Variants in ZNF362 observed in about 807,000 individuals in gnomAD.
ZNF362 encodes rotund homolog.
Under a neutral mutation model 42.9 loss-of-function variants are expected in ZNF362, and 11 were observed. The observed-to-expected ratio is 0.26, with a 90% CI of 0.16 to 0.42. ZNF362 has a LOEUF of 0.42. ZNF362 is among the 20% of genes least tolerant of loss of function. ZNF362 has a pLI of 1.00. For synonymous variants in ZNF362, 255 were observed against 257.3 expected (o/e 0.99, Z 0.09); for missense variants, 362 against 576.2 (o/e 0.63, Z 3.81).
At chr1:33,248,773 A>G in the ZNF362 span, among the ~76,000 whole-genome samples, 1 of 152,108 alleles carries the variant, frequency 6.6e-6, no homozygotes, top group Non-Finnish European at 1.5e-5. Flanking sequence ...ATTGAAGGAG[A>G]TGGGTTGTAT....
At chr1:33,250,845 GAAAGAAGGAA>G in the ZNF362 span, among the ~76,000 whole-genome samples, 14 of 104,746 alleles carry the variant, frequency 1.3e-4, no homozygotes, top group Admixed American at 2.3e-4. Context: ...GAAGAAAGAA[GAAAGAAGGAA>G]GAAGAAGAAG....
the ZNF362 span, among the ~76,000 whole-genome samples, chr1:33,189,007 A>G: frequency 6.6e-6 from 1 of 152,152 alleles, no homozygotes; most frequent in Non-Finnish European, 1.5e-5. Context: ...CAATCAGCTG[A>G]ACTGTTCACT....
At chr1:33,201,707 A>AT in the ZNF362 span, among the ~76,000 whole-genome samples, 1 of 152,210 alleles carries the variant, frequency 6.6e-6, no homozygotes, top group South Asian at 2.1e-4. Flanking sequence ...TCACCTTAAG[A>AT]AACAACAAAA....
chr1:33,281,442 T>G lies in ZNF362; in HGVS notation c.684-145T>G, dbSNP rs773438441. On this transcript the variant is annotated intron_variant, in intron 5 of 8. Coordinates refer to ENST00000539719, the MANE Select transcript of ZNF362 (RefSeq NM_152493.3). This position sits in a 1 kb window ranked among gnomAD's most constrained non-coding sequence, Gnocchi z 4.8. The stretch of plus-strand genomic sequence containing the variant: ...GTGCCCAGGCTGGGAGACTGTCCCC[T>G]GTCTTTCCCAGGTGGTCCTGTGCTT... The G allele has an allele frequency of 1.1e-4, 82 of 737,028 alleles. No homozygotes were observed. Among genetic ancestry groups the G allele is most frequent in the Non-Finnish European group, 1.7e-4 (74 of 440,302 alleles). The allele number at this position is 737,028 out of a possible 1,614,324, so 45.7% of individuals were successfully genotyped here. A position where few individuals can be genotyped will look rare whatever the true frequency, so the allele number is the denominator to read the frequency against.
the ZNF362 span, among the ~76,000 whole-genome samples, chr1:33,220,166 G>A: frequency 1.8e-4 from 27 of 152,270 alleles, 1 homozygote; most frequent in African/African-American, 6.0e-4. Context: ...GGCAGGGAAG[G>A]GGTTGTAAGG....
chr1:33,147,236 G>A, the ZNF362 span: 1 of 1,614,062 alleles, frequency 6.2e-7, no homozygotes, highest in Non-Finnish European at 8.5e-7. This position sits in a 1 kb window ranked among gnomAD's most constrained non-coding sequence, Gnocchi z 8.1. Context: ...GCGTGGCTCT[G>A]GCCAGGGCTG....
intron 6 of ZNF362, among the ~76,000 whole-genome samples, chr1:33,283,604 G>A (rs894947096): frequency 1.3e-5 from 2 of 152,168 alleles, no homozygotes; most frequent in Non-Finnish European, 2.9e-5. Flanking sequence ...GGGAGGCTGA[G>A]GTGGGAGGAT....
At chr1:33,176,153 C>A in the ZNF362 span, among the ~76,000 whole-genome samples, 1 of 152,210 alleles carries the variant, frequency 6.6e-6, no homozygotes, top group African/African-American at 2.4e-5. Context: ...ACACAGACAA[C>A]CCAGCTGCCT....
the ZNF362 span, among the ~76,000 whole-genome samples, chr1:33,236,979 G>C: frequency 6.6e-6 from 1 of 151,914 alleles, no homozygotes; most frequent in Non-Finnish European, 1.5e-5. Flanking sequence ...GCTGAGGCAG[G>C]AGAATCATTT....
At chr1:33,154,045 G>A in the ZNF362 span, among the ~76,000 whole-genome samples, 1 of 152,240 alleles carries the variant, frequency 6.6e-6, no homozygotes, top group African/African-American at 2.4e-5. Context: ...AGGAGAGTAA[G>A]AGTTGGCCAT....
intron 6 of ZNF362, among the ~76,000 whole-genome samples, chr1:33,282,197 C>G (rs1289467472): frequency 6.6e-6 from 1 of 152,214 alleles, no homozygotes; most frequent in Non-Finnish European, 1.5e-5. Flanking sequence ...CAGTGGTAGG[C>G]TGTCACGCCC....
chr1:33,243,572 G>A, the ZNF362 span, among the ~76,000 whole-genome samples: 1 of 151,164 alleles, frequency 6.6e-6, no homozygotes, highest in Non-Finnish European at 1.5e-5. Context: ...GATTCTTCCT[G>A]TTTTCCTTCG....
the ZNF362 span, among the ~76,000 whole-genome samples, chr1:33,161,772 T>A: frequency 6.6e-6 from 1 of 152,282 alleles, no homozygotes; most frequent in Non-Finnish European, 1.5e-5. The surrounding 1 kb of genome is among the most constrained non-coding windows in gnomAD (Gnocchi z 4.3). Context: ...GCTACTCCTC[T>A]GGCTCCTCCT....
chr1:33,193,012 T>C, the ZNF362 span, among the ~76,000 whole-genome samples: 4,253 of 133,032 alleles, frequency 0.032, 104 homozygotes, highest in African/African-American at 0.058. Flanking sequence ...CACATATATA[T>C]ATATATATAT....
At chr1:33,212,762 C>T in the ZNF362 span, among the ~76,000 whole-genome samples, 1 of 152,292 alleles carries the variant, frequency 6.6e-6, no homozygotes, top group East Asian at 1.9e-4. Flanking sequence ...GAGGGATACT[C>T]CCCCATGATC....
chr1:33,284,106 G>T (rs537376473), intron 6 of ZNF362, among the ~76,000 whole-genome samples: 1 of 152,198 alleles, frequency 6.6e-6, no homozygotes, highest in African/African-American at 2.4e-5. Context: ...CCTATACAAC[G>T]TGTAATGTGG....
rs577377989 is a variant in ZNF362 at position 33,284,564 on chromosome 1, C to T, written c.908+2753C>T. On this transcript the variant is annotated intron_variant, in intron 6 of 8. Transcript: ENST00000539719. ...CAATAGAATGATTATTTGAACATTT[C>T]CTTGATGATTTATTATTTCATATCT... is the stretch of plus-strand genomic sequence containing the variant. Among the ~76,000 whole-genome samples the T allele has an allele frequency of 7.9e-5, 12 of 152,254 alleles. No homozygotes were observed. In the South Asian group the frequency reaches 1.9e-3, roughly 24 times the overall value.
chr1:33,207,802 T>C, the ZNF362 span, among the ~76,000 whole-genome samples: 4 of 152,226 alleles, frequency 2.6e-5, no homozygotes, highest in African/African-American at 9.6e-5. Context: ...GGTTGTTTTT[T>C]TTCTTATAAA....
At chr1:33,144,135 C>CTTTTT in the ZNF362 span, among the ~76,000 whole-genome samples, 96 of 146,516 alleles carry the variant, frequency 6.6e-4, 1 homozygote, top group Non-Finnish European at 1.0e-3. Flanking sequence ...AATGTTACTT[C>CTTTTT]TTTTTTTTTT....
Sources: allele counts gnomAD v4.1 joint callset (sites outside exome capture counted in the v4.1 genomes callset), GRCh38; gene constraint gnomAD v4.1.1; non-coding constraint Gnocchi (gnomAD v3.1); transcripts MANE v1.5; gene names NCBI Gene and HGNC (gene_info 2026-07-23, HGNC 2026-07-21).